MORC2: variants seen among roughly 807,000 people sequenced by gnomAD.
MORC2 encodes the protein MORC family CW-type zinc finger 2.
Under a neutral mutation model 136.0 loss-of-function variants are expected in MORC2, and 30 were observed. The observed-to-expected ratio is 0.22, with a 90% confidence interval of 0.17 to 0.30. The LOEUF is 0.30. Among genes scored for constraint, MORC2 ranks in the 10% least tolerant of loss-of-function variants. The pLI is 1.00. For synonymous variants in MORC2, 439 were observed against 487.0 expected, an observed-to-expected ratio of 0.90 and a Z score of 1.30; for missense variants, 922 against 1,333.1, an observed-to-expected ratio of 0.69 and a Z score of 4.80.
intron 3 of MORC2, among the ~76,000 whole-genome samples, chr22:30,954,759 C>G (rs1200521805): frequency 1.3e-5 from 2 of 152,166 alleles, no homozygotes; most frequent in African/African-American, 4.8e-5. Flanking sequence ...AAACGTCTTC[C>G]AAGTAGACTT....
chr22:30,949,877 T>A, intron 4 of MORC2, 35 bp from the exon 5 acceptor site: 1 of 1,600,870 alleles, frequency 6.2e-7, no homozygotes. Context: ...GTGAAAAGTT[T>A]GCATTTCTTT....
At chr22:30,939,850 C>T in intron 11 of MORC2, 109 bp downstream of exon 11, 1 of 1,356,876 alleles carries the variant, frequency 7.4e-7, no homozygotes, top group Non-Finnish European at 1.0e-6. Context: ...AGAAAACAGC[C>T]CTCACTGGGG....
At chr22:30,967,630 T>C in intron 1 of MORC2, 192 bp downstream of exon 1, 1 of 1,379,036 alleles carries the variant, frequency 7.3e-7, no homozygotes, top group East Asian at 2.8e-5. Context: ...AATCAGATTC[T>C]TCTGGATTAG....
At chr22:30,955,379 C>G (rs559168931) in intron 3 of MORC2, among the ~76,000 whole-genome samples, 44 of 152,264 alleles carry the variant, frequency 2.9e-4, no homozygotes, top group African/African-American at 9.1e-4. Flanking sequence ...GCCTTTTGAA[C>G]AAAAGGCTTT....
chr22:30,964,777 C>G (rs2041100679), intron 1 of MORC2, among the ~76,000 whole-genome samples: 2 of 152,124 alleles, frequency 1.3e-5, no homozygotes, highest in Admixed American at 1.3e-4. Flanking sequence ...TATCAAAGAC[C>G]TGATACAAAA....
chr22:30,962,838 A>G (rs1391531644), intron 1 of MORC2, among the ~76,000 whole-genome samples: 1 of 152,240 alleles, frequency 6.6e-6, no homozygotes, highest in East Asian at 1.9e-4. Context: ...CAGATGCTAA[A>G]ATCAAGAGTT....
At chr22:30,949,730 G>A in intron 5 of MORC2, 22 bp downstream of exon 5, 1 of 1,595,508 alleles carries the variant, frequency 6.3e-7, no homozygotes, top group South Asian at 1.1e-5. Context: ...TGAGCCCTGT[G>A]ACAAGCTTCT....
At position 30,967,518 on chromosome 22, in the gene MORC2, A is replaced by G. The variant is rs140062700; in HGVS notation, c.68+304T>C. ...CCAACATTTGGCGATCCAATAGAGC[A>G]GTATTTGTTGGATTCCTATAAACAC... On this transcript the variant is annotated intron_variant, in intron 1 of 25. Transcript: ENST00000397641. 4.9e-4 allele frequency: 569 copies of G among 1,170,222 alleles called. 8 individuals carry two copies. The East Asian group carries it at 0.028, about 57-fold the overall frequency. The allele number at this position is 1,170,222 out of a possible 1,614,324, so 72.5% of individuals were successfully genotyped here.
intron 20 of MORC2, 141 bp downstream of exon 20, chr22:30,933,919 G>T: frequency 2.0e-6 from 2 of 996,972 alleles, no homozygotes; most frequent in Non-Finnish European, 3.0e-6. Context: ...GGTGCAGACT[G>T]CTGGTGGGGG....
rs113848090 is a variant in MORC2, at chr22:30,949,295, C to T, written c.317+457G>A. On this transcript the variant is annotated intron_variant, in intron 5 of 25. Transcript: ENST00000397641. ...GCAGTACATTCAGCATCCTCTGGGA[C>T]GGAGGGCTCACATCTCTCTTCCTTA... Among the ~76,000 whole-genome samples the T allele has an allele frequency of 4.8e-3, 732 of 152,258 alleles. 8 individuals carry two copies. The highest frequency in any genetic ancestry group is 0.017 in the African/African-American group (711 of 41,532).
At chr22:30,944,540 A>C in intron 6 of MORC2, among the ~76,000 whole-genome samples, 1 of 151,928 alleles carries the variant, frequency 6.6e-6, no homozygotes, top group Non-Finnish European at 1.5e-5. Flanking sequence ...TCTCTCCATT[A>C]GGTGACCTCG....
chr22:30,960,807 TC>T (rs1464612709), intron 1 of MORC2, among the ~76,000 whole-genome samples: 3 of 83,666 alleles, frequency 3.6e-5, no homozygotes, highest in East Asian at 4.8e-4. Flanking sequence ...GACAGATTTC[TC>T]AAAAAAAAAA....
intron 1 of MORC2, 151 bp downstream of exon 1, chr22:30,967,671 A>C: frequency 6.9e-7 from 1 of 1,442,122 alleles, no homozygotes; most frequent in Non-Finnish European, 9.1e-7. Context: ...TCAGTTCTTC[A>C]ATACAGAGCT....
chr22:30,934,201 G>A lies in MORC2; in HGVS notation c.2194-10C>T. On this transcript the variant is annotated splice_polypyrimidine_tract_variant and intron_variant, in intron 19 of 25. Transcript: ENST00000397641. This position sits in a 1 kb window ranked among gnomAD's most constrained non-coding sequence, Gnocchi z 4.4. The stretch of plus-strand genomic sequence containing the variant: ...TCCGACTAGGGGTAGCCTAGAGCAA[G>A]AGGAGCGTGAGGATGTGAGGGGCCC... 1 of 1,614,096 alleles carries A rather than the reference G, an allele frequency of 6.2e-7. No individual in the cohort carries two copies. The highest frequency in any genetic ancestry group is 8.5e-7 in the Non-Finnish European group (1 of 1,179,970).
rs2040637644 is a variant in MORC2, at chr22:30,935,335, C to T, written c.1738-13G>A. 1 of 1,612,194 alleles carries T rather than the reference C, an allele frequency of 6.2e-7. No individual in the cohort carries two copies. Among genetic ancestry groups the T allele is most frequent in the Admixed American group, 1.7e-5 (1 of 59,840 alleles). On this transcript the variant is annotated splice_polypyrimidine_tract_variant and intron_variant, in intron 17 of 25. Coordinates refer to ENST00000397641, the MANE Select transcript of MORC2 (RefSeq NM_001303256.3). ...TGGGTGTGGTTTTCTGCAAGGCAAA[C>T]ATCATGATGAAGTTGTTTGCATATT...
intron 24 of MORC2, among the ~76,000 whole-genome samples, chr22:30,931,509 C>A (rs1262037291): frequency 6.6e-6 from 1 of 152,222 alleles, no homozygotes; most frequent in African/African-American, 2.4e-5. Context: ...GTATGACTTA[C>A]ACTGGGGATT....
chr22:30,938,173 A>G lies in MORC2; in HGVS notation c.1106T>C (p.Val369Ala), dbSNP rs764182125. Residue 369 changes from valine (V) to alanine (A), a missense_variant, in exon 13 of 26, where the codon GTT (valine) becomes GCT (alanine). Val to Ala is a moderately conservative substitution (Grantham distance 64, BLOSUM62 0). Around this residue, in one of 9 missense-constraint regions of MORC2, gnomAD observed 261 missense variants for 354.3 expected, o/e 0.74. Coordinates refer to ENST00000397641, the MANE Select transcript of MORC2 (RefSeq NM_001303256.3). ...ALKEPKELNF[V>A]FGVNIEHRDL... Reference sequence around the variant, plus strand: ...CCGGTGTTCAATGTTGACACCAAAAACAAAATTCAGTTCCTTAGGTTCTTT... The same window carrying G: ...CCGGTGTTCAATGTTGACACCAAAAGCAAAATTCAGTTCCTTAGGTTCTTT... The G allele has an allele frequency of 6.2e-7, 1 of 1,614,168 alleles. No homozygotes were observed. The highest frequency in any genetic ancestry group is 2.2e-5 in the East Asian group (1 of 44,878).
chr22:30,962,409 G>C (rs1385706263), intron 1 of MORC2, among the ~76,000 whole-genome samples: 2 of 151,590 alleles, frequency 1.3e-5, no homozygotes, highest in African/African-American at 2.4e-5. Flanking sequence ...ACAAAAAGTA[G>C]AGAAATAAAA....
chr22:30,955,119 C>T (rs957796242), intron 3 of MORC2, among the ~76,000 whole-genome samples: 3 of 152,002 alleles, frequency 2.0e-5, no homozygotes, highest in South Asian at 2.1e-4. Flanking sequence ...CCACCACACC[C>T]GGCTAATTTT....
Sources: allele counts gnomAD v4.1 joint callset (sites outside exome capture counted in the v4.1 genomes callset), GRCh38; gene constraint gnomAD v4.1.1; regional missense constraint gnomAD v4.1.1; non-coding constraint Gnocchi (gnomAD v3.1); transcripts MANE v1.5; gene names NCBI Gene and HGNC (gene_info 2026-07-23, HGNC 2026-07-21).